The following DRC4 variants were observed in gnomAD, a reference collection of about 807,000 sequenced individuals.
DRC4 encodes dynein regulatory complex subunit 4, also known as GAS-11.
the DRC4 span, among the ~76,000 whole-genome samples, chr16:90,030,891 T>G: frequency 6.6e-6 from 1 of 152,222 alleles, no homozygotes; most frequent in Non-Finnish European, 1.5e-5. Flanking sequence ...GTGCTGGGGT[T>G]GCAGGCGAGA....
the DRC4 span, chr16:90,031,441 G>A: frequency 3.7e-6 from 6 of 1,607,510 alleles, no homozygotes; most frequent in East Asian, 2.2e-5. Flanking sequence ...GCTGAGCTGC[G>A]GAACAAAGAC....
At chr16:90,030,812 C>T in the DRC4 span, among the ~76,000 whole-genome samples, 3 of 152,212 alleles carry the variant, frequency 2.0e-5, no homozygotes, top group East Asian at 3.9e-4. Flanking sequence ...GAGATGGGGT[C>T]TTGCTATGTT....
the DRC4 span, among the ~76,000 whole-genome samples, chr16:90,021,726 G>A: frequency 2.4e-4 from 36 of 151,906 alleles, no homozygotes; most frequent in African/African-American, 8.5e-4. Flanking sequence ...AAAAAAAGCT[G>A]GGTATGGTGT....
chr16:90,031,589 T>C, the DRC4 span: 5 of 1,347,882 alleles, frequency 3.7e-6, no homozygotes, highest in African/African-American at 5.9e-5. Context: ...CATTTTCTGT[T>C]CTTGGCTTTG....
At chr16:90,024,394 G>T in the DRC4 span, among the ~76,000 whole-genome samples, 1 of 152,200 alleles carries the variant, frequency 6.6e-6, no homozygotes, top group Non-Finnish European at 1.5e-5. Context: ...TAAGCTTTTC[G>T]TGGGGCAGAG....
the DRC4 span, among the ~76,000 whole-genome samples, chr16:90,042,002 A>G: frequency 6.6e-6 from 1 of 151,900 alleles, no homozygotes; most frequent in African/African-American, 2.4e-5. Flanking sequence ...CAGTGGCTCA[A>G]TCTCGGCGCA....
the DRC4 span, chr16:90,043,568 C>G: frequency 3.3e-6 from 2 of 599,554 alleles, no homozygotes; most frequent in Non-Finnish European, 6.1e-6. Flanking sequence ...TGCCGCACGT[C>G]CAGCCTGTGT....
At chr16:90,044,241 C>G in the DRC4 span, 1 of 451,646 alleles carries the variant, frequency 2.2e-6, no homozygotes, top group South Asian at 1.6e-5. Context: ...CCTCTGTCAA[C>G]AAAGAGGGGA....
the DRC4 span, chr16:90,042,394 A>G: frequency 8.2e-7 from 1 of 1,215,234 alleles, no homozygotes; most frequent in Non-Finnish European, 1.2e-6. Flanking sequence ...CAGAACGCCC[A>G]CTGGAGTCCC....
the DRC4 span, chr16:90,042,619 C>G: frequency 8.8e-7 from 1 of 1,139,716 alleles, no homozygotes; most frequent in Non-Finnish European, 1.3e-6. Context: ...GAGGACCCCA[C>G]CTGTGCCCAC....
At chr16:90,030,443 C>T in the DRC4 span, among the ~76,000 whole-genome samples, 2 of 151,788 alleles carry the variant, frequency 1.3e-5, no homozygotes, top group Non-Finnish European at 2.9e-5. Context: ...CAGGTCCAAA[C>T]GATCCTCCTA....
the DRC4 span, chr16:90,040,041 A>G: frequency 1.9e-6 from 1 of 520,158 alleles, no homozygotes; most frequent in Non-Finnish European, 3.5e-6. Context: ...TTACCAGGAC[A>G]CTTATGGCTT....
the DRC4 span, chr16:90,042,412 C>T: frequency 6.7e-7 from 1 of 1,501,564 alleles, no homozygotes; most frequent in Non-Finnish European, 9.3e-7. Flanking sequence ...CCCCAGGCCG[C>T]TCCCGTTGCC....
chr16:90,030,907 C>T, the DRC4 span, among the ~76,000 whole-genome samples: 8 of 152,274 alleles, frequency 5.3e-5, no homozygotes, highest in East Asian at 5.8e-4. Context: ...CGAGAGCCAC[C>T]GCGCCTCGCT....
At chr16:90,019,811 G>T in the DRC4 span, 1 of 688,776 alleles carries the variant, frequency 1.5e-6, no homozygotes, top group Non-Finnish European at 2.6e-6. The surrounding 1 kb of genome is among the most constrained non-coding windows in gnomAD (Gnocchi z 6.1). Flanking sequence ...GCGCCCCTCG[G>T]GGCTGGCGAG....
At chr16:90,031,471 AG>A in the DRC4 span, 1 of 1,577,582 alleles carries the variant, frequency 6.3e-7, no homozygotes, top group Non-Finnish European at 8.6e-7. Context: ...GAAGAAGCCG[AG>A]GAGAGGCACC....
chr16:90,020,469 G>A, the DRC4 span, among the ~76,000 whole-genome samples: 1 of 152,152 alleles, frequency 6.6e-6, no homozygotes, highest in African/African-American at 2.4e-5. Context: ...GAGGGCAGTC[G>A]GTTTGTTTGT....
the DRC4 span, chr16:90,019,950 G>A: frequency 4.3e-6 from 3 of 695,462 alleles, no homozygotes; most frequent in Admixed American, 2.0e-5. The surrounding 1 kb of genome is among the most constrained non-coding windows in gnomAD (Gnocchi z 6.1). Flanking sequence ...GGGCGGGATG[G>A]GGGATGGGAG....
At chr16:90,044,104 C>T in the DRC4 span, 2 of 447,756 alleles carry the variant, frequency 4.5e-6, no homozygotes, top group Non-Finnish European at 8.9e-6. Flanking sequence ...ATGGGGTGAA[C>T]CTTCCGCACC....
Sources: allele counts gnomAD v4.1 joint callset (sites outside exome capture counted in the v4.1 genomes callset), GRCh38; gene constraint gnomAD v4.1.1; non-coding constraint Gnocchi (gnomAD v3.1); transcripts MANE v1.5; gene names NCBI Gene and HGNC (gene_info 2026-07-23, HGNC 2026-07-21).